TFDP2: variants seen among roughly 807,000 people sequenced by gnomAD.
The protein encoded by TFDP2 is transcription factor Dp-2.
TFDP2 carries 17 observed loss-of-function variants against 59.3 expected under a neutral mutation model. The ratio of observed to expected loss-of-function variants is 0.29; its 90% confidence interval spans 0.20 to 0.43. The LOEUF (loss-of-function observed/expected upper bound fraction) is 0.43. Ranked by LOEUF, TFDP2 falls within the 20% of genes least tolerant of loss-of-function variation. The pLI is 1.00. For synonymous variants in TFDP2, 180 were observed against 194.7 expected (o/e 0.92, Z 0.63); for missense variants, 391 against 528.8 (o/e 0.74, Z 2.56).
intron 8 of TFDP2, among the ~76,000 whole-genome samples, chr3:141,970,858 T>C (rs191539286): frequency 1.8e-4 from 28 of 151,904 alleles, no homozygotes; most frequent in Admixed American, 1.8e-3. Flanking sequence ...GATCAGGAGT[T>C]TGAGACCAGT....
Position 141,952,636 on chromosome 3 carries a change from G to A in TFDP2, c.1218C>T (p.Ala406=), listed in dbSNP as rs746269271. The A allele has an allele frequency of 1.3e-6, 2 of 1,597,678 alleles. No homozygotes were observed. The highest frequency in any genetic ancestry group is 1.9e-5 in the Admixed American group (1 of 53,626). ...EVALATGQFL[A]PNSHQSSSAA... is the part of the protein sequence containing the mutation. Reference sequence around the variant, plus strand: ...CACTGCTGGACTGGTGACTGTTTGGGGCCAGGAACTGCCCAGTTGCTAAGG... The same window carrying A: ...CACTGCTGGACTGGTGACTGTTTGGAGCCAGGAACTGCCCAGTTGCTAAGG... The change falls in exon 13 of 13, where the codon GCC becomes GCT. Residue 406 remains alanine, a synonymous_variant. Transcript: ENST00000489671.
intron 3 of TFDP2, among the ~76,000 whole-genome samples, chr3:142,037,717 C>T (rs976196497): frequency 1.3e-5 from 2 of 152,068 alleles, no homozygotes; most frequent in East Asian, 1.9e-4. Context: ...TCTGGGACTA[C>T]AGTAAAAAAC....
rs548631258 is a variant in TFDP2, at chr3:142,043,907, G to A, written c.83-38363C>T. The A allele has an allele frequency of 3.9e-4, 369 of 946,298 alleles. 3 individuals are homozygous for A. Among genetic ancestry groups the A allele is most frequent in the South Asian group, 3.7e-3 (286 of 77,548 alleles). 58.6% of individuals were successfully genotyped at this position (946,298 alleles called of 1,614,324 possible). Reference sequence around the variant, plus strand: ...TCACAGTATCTTCTAAGCAGCCGGCGCAGAATCCACATGACCTTCTCTGGC... The same window carrying A: ...TCACAGTATCTTCTAAGCAGCCGGCACAGAATCCACATGACCTTCTCTGGC... On this transcript the variant is annotated intron_variant, in intron 3 of 12. Coordinates refer to ENST00000489671, the MANE Select transcript of TFDP2 (RefSeq NM_001178139.2).
intron 1 of TFDP2, among the ~76,000 whole-genome samples, chr3:142,116,172 C>T (rs1372915127): frequency 6.6e-6 from 1 of 152,030 alleles, no homozygotes; most frequent in Non-Finnish European, 1.5e-5. Context: ...TCAAGCAATC[C>T]TCCCGCCTTA....
intron 4 of TFDP2, chr3:142,000,430 G>A: frequency 6.7e-6 from 4 of 600,644 alleles, no homozygotes; most frequent in Middle Eastern, 3.6e-4. Context: ...TAAGGGTGAA[G>A]CCCTCATGAC....
chr3:142,026,624 G>A (rs1946119370), intron 3 of TFDP2, among the ~76,000 whole-genome samples: 2 of 152,178 alleles, frequency 1.3e-5, no homozygotes, highest in Non-Finnish European at 2.9e-5. Context: ...TTTTTCAAGA[G>A]CAAACTTAAG....
intron 8 of TFDP2, 53 bp from the exon 9 acceptor site, chr3:141,970,194 C>T (rs957104690): frequency 9.6e-5 from 149 of 1,545,904 alleles, no homozygotes; most frequent in East Asian, 1.3e-4. Context: ...TATAAAATAT[C>T]GTTCACTTTC....
chr3:142,106,610 T>G (rs1278070181), intron 1 of TFDP2, among the ~76,000 whole-genome samples: 1 of 152,246 alleles, frequency 6.6e-6, no homozygotes, highest in Non-Finnish European at 1.5e-5. Context: ...TCATGTGCAC[T>G]GATGCATTAT....
At chr3:141,963,606 C>T (rs1937571098) in intron 10 of TFDP2, among the ~76,000 whole-genome samples, 2 of 152,110 alleles carry the variant, frequency 1.3e-5, no homozygotes, top group Admixed American at 1.3e-4. Context: ...CAGTGCCTGG[C>T]ACAAGACAGG....
At chr3:142,111,088 C>T (rs1217517027) in intron 1 of TFDP2, among the ~76,000 whole-genome samples, 1 of 152,150 alleles carries the variant, frequency 6.6e-6, no homozygotes, top group East Asian at 1.9e-4. Context: ...TCACAATTAA[C>T]TACTTAATGA....
At chr3:141,967,889 C>A (rs1938371310) in intron 9 of TFDP2, among the ~76,000 whole-genome samples, 1 of 152,164 alleles carries the variant, frequency 6.6e-6, no homozygotes, top group Admixed American at 6.5e-5. Flanking sequence ...TGAGGGTGAT[C>A]TTGCCCAGCA....
intron 3 of TFDP2, among the ~76,000 whole-genome samples, chr3:142,089,681 T>A (rs963046489): frequency 4.0e-5 from 6 of 151,648 alleles, no homozygotes; most frequent in Non-Finnish European, 5.9e-5. Context: ...AAAAGACAAA[T>A]ATCCAACAAT....
intron 1 of TFDP2, among the ~76,000 whole-genome samples, chr3:142,116,010 C>T (rs2061841839): frequency 6.6e-6 from 1 of 151,828 alleles, no homozygotes; most frequent in Non-Finnish European, 1.5e-5. Flanking sequence ...GATGTTACCA[C>T]TTGGGGGAAG....
chr3:142,142,505 T>C (rs1429407969), intron 1 of TFDP2, among the ~76,000 whole-genome samples: 1 of 152,196 alleles, frequency 6.6e-6, no homozygotes, highest in East Asian at 1.9e-4. Context: ...AGAATCAATA[T>C]TGTTAAAATG....
At chr3:142,041,840 G>A (rs553293416) in intron 3 of TFDP2, among the ~76,000 whole-genome samples, 1 of 152,208 alleles carries the variant, frequency 6.6e-6, no homozygotes, top group East Asian at 1.9e-4. Context: ...TTTTGTGAAA[G>A]GTATAAGGTC....
At chr3:141,978,979 A>T (rs1941121394) in intron 6 of TFDP2, among the ~76,000 whole-genome samples, 1 of 152,242 alleles carries the variant, frequency 6.6e-6, no homozygotes, top group African/African-American at 2.4e-5. Flanking sequence ...AAGTCAGTGA[A>T]AAAACACAAA....
At chr3:141,964,899 G>T (rs753486763) in intron 9 of TFDP2, among the ~76,000 whole-genome samples, 5 of 152,082 alleles carry the variant, frequency 3.3e-5, no homozygotes, top group Non-Finnish European at 5.9e-5. Context: ...ATACATCAAG[G>T]CCTAAATTTT....
At chr3:141,978,943 C>T (rs907192366) in intron 6 of TFDP2, among the ~76,000 whole-genome samples, 4 of 152,010 alleles carry the variant, frequency 2.6e-5, no homozygotes, top group Non-Finnish European at 4.4e-5. Context: ...TATTCTATGC[C>T]GGATACTGTT....
intron 1 of TFDP2, chr3:142,145,518 A>C (rs1478765430): frequency 6.6e-6 from 1 of 152,176 alleles, no homozygotes; most frequent in Non-Finnish European, 1.5e-5. Flanking sequence ...CCCCTGTGCA[A>C]TGATGACACA....
Sources: gnomAD v4.1 joint callset for allele counts (sites outside exome capture counted in the v4.1 genomes callset) on GRCh38, gnomAD v4.1.1 for gene constraint, MANE v1.5 for transcripts, NCBI Gene and HGNC (gene_info 2026-07-23, HGNC 2026-07-21) for gene names.